The following MMP26 variants were observed in gnomAD, a reference collection of about 807,000 sequenced individuals.
MMP26 encodes the protein matrix metalloproteinase-26.
A neutral mutation model predicts 31.0 loss-of-function variants in MMP26; 33 were observed. The ratio of observed to expected loss-of-function variants is 1.06; its 90% CI spans 0.81 to 1.42. MMP26 has a LOEUF of 1.42. Among genes scored for constraint, MMP26 ranks in the 40% most tolerant of loss-of-function variants. The pLI is 0.00. For missense variants in MMP26, 347 were observed against 316.1 expected (o/e 1.10, Z -0.74); for synonymous variants, 122 against 114.9 (o/e 1.06, Z -0.40).
chr11:4,907,276 C>T, intron 2 of MMP26: 1 of 785,276 alleles, frequency 1.3e-6, no homozygotes, highest in South Asian at 1.7e-5. Context: ...GAATGAACCC[C>T]TTATCCTCAC....
chr11:4,791,079 C>A (rs1171819854), intron 2 of MMP26, among the ~76,000 whole-genome samples: 1 of 152,124 alleles, frequency 6.6e-6, no homozygotes, highest in Non-Finnish European at 1.5e-5. Flanking sequence ...ATAATCATTT[C>A]TTGAGCACCT....
intron 2 of MMP26, among the ~76,000 whole-genome samples, chr11:4,907,095 TA>T (rs3065178): frequency 5.6e-4 from 31 of 55,128 alleles, no homozygotes; most frequent in African/African-American, 1.2e-3. Context: ...AAACTCCCTC[TA>T]AAAAAAAAAA....
At chr11:4,783,342 G>T (rs536986255) in intron 2 of MMP26, among the ~76,000 whole-genome samples, 136 of 152,326 alleles carry the variant, frequency 8.9e-4, no homozygotes, top group African/African-American at 3.1e-3. Context: ...TGAATGCCCT[G>T]CTGGATTTCG....
intron 2 of MMP26, among the ~76,000 whole-genome samples, chr11:4,986,905 TTCTCTCTC>T (rs71050445): frequency 4.1e-5 from 2 of 48,674 alleles, no homozygotes; most frequent in South Asian, 1.8e-3. Context: ...CTTCCTTCCT[TTCTCTCTC>T]TCTCTCTCTC....
chr11:4,828,814 A>T (rs1849610899), intron 2 of MMP26, among the ~76,000 whole-genome samples: 1 of 152,204 alleles, frequency 6.6e-6, no homozygotes, highest in African/African-American at 2.4e-5. Flanking sequence ...TTTGGGCTAG[A>T]ATTAGAGTAG....
At chr11:4,820,284 G>A (rs751697601) in intron 2 of MMP26, among the ~76,000 whole-genome samples, 14 of 152,102 alleles carry the variant, frequency 9.2e-5, no homozygotes, top group Non-Finnish European at 1.8e-4. Context: ...ATGTATATTA[G>A]GGATAAGAAA....
chr11:4,826,797 A>G (rs1426375386), intron 2 of MMP26, among the ~76,000 whole-genome samples: 6 of 152,256 alleles, frequency 3.9e-5, no homozygotes, highest in African/African-American at 1.4e-4. Flanking sequence ...TATCAATAAT[A>G]ATCCAGATAC....
At chr11:4,927,894 G>T (rs1851294895) in intron 2 of MMP26, among the ~76,000 whole-genome samples, 1 of 151,944 alleles carries the variant, frequency 6.6e-6, no homozygotes, top group Non-Finnish European at 1.5e-5. Context: ...TGTTAAGAGG[G>T]GAATCTATCA....
intron 2 of MMP26, chr11:4,913,355 G>A (rs1249952628): frequency 6.6e-6 from 1 of 152,132 alleles, no homozygotes; most frequent in African/African-American, 2.4e-5. Flanking sequence ...CTTCATAGTA[G>A]AAGACATTGT....
At chr11:4,874,127 G>A (rs1169221772) in intron 2 of MMP26, among the ~76,000 whole-genome samples, 13 of 152,056 alleles carry the variant, frequency 8.5e-5, no homozygotes, top group African/African-American at 2.4e-4. Context: ...TTTCTGCAGC[G>A]ATGAAACTAT....
At chr11:4,764,559 A>G (rs1848604384) in intron 1 of MMP26, among the ~76,000 whole-genome samples, 1 of 152,182 alleles carries the variant, frequency 6.6e-6, no homozygotes, top group South Asian at 2.1e-4. Flanking sequence ...ATAATTTCTG[A>G]GCTACAAAAA....
In MMP26 at chr11:4,914,547, C is replaced by G. The variant is rs796827906; in HGVS notation, c.-144-73521C>G. ...TTACCACATCATATTACATTTTACC[C>G]CCCCCTGCCCTGGCCACAACAGAGT... On this transcript the variant is annotated intron_variant, in intron 2 of 7. Coordinates refer to ENST00000380390, the MANE Select transcript of MMP26 (RefSeq NM_021801.5). 74 of 549,168 alleles carry G rather than the reference C, an allele frequency of 1.3e-4. 1 individual carries two copies. The highest frequency in any genetic ancestry group is 8.3e-4 in the South Asian group (28 of 33,716). 34.0% of individuals were successfully genotyped at this position (549,168 alleles called of 1,614,324 possible). A position where few individuals can be genotyped will look rare whatever the true frequency, so the allele number is the denominator to read the frequency against.
chr11:4,921,608 C>T (rs1399067213), intron 2 of MMP26, among the ~76,000 whole-genome samples: 4 of 152,058 alleles, frequency 2.6e-5, no homozygotes, highest in African/African-American at 9.7e-5. Context: ...TTGTTCAGTG[C>T]ATGTATCTTA....
chr11:4,860,682 A>G (rs1436305114), intron 2 of MMP26: 2 of 329,774 alleles, frequency 6.1e-6, no homozygotes, highest in Non-Finnish European at 1.2e-5. Context: ...AGAATAGCAG[A>G]GGAAAGAATA....
chr11:4,769,569 G>C, intron 2 of MMP26: 1 of 1,612,888 alleles, frequency 6.2e-7, no homozygotes, highest in Non-Finnish European at 8.5e-7. Context: ...GTAGCCACCA[G>C]CACTCCAGAT....
At chr11:4,812,010 T>G (rs1361599874) in intron 2 of MMP26, among the ~76,000 whole-genome samples, 2 of 152,134 alleles carry the variant, frequency 1.3e-5, no homozygotes, top group Non-Finnish European at 2.9e-5. Context: ...CAGTTTCCAC[T>G]GGAATGTACC....
chr11:4,823,837 C>T (rs1387133245), intron 2 of MMP26, among the ~76,000 whole-genome samples: 7 of 151,976 alleles, frequency 4.6e-5, no homozygotes, highest in Admixed American at 1.3e-4. Context: ...CAAGTAAAGC[C>T]GAAAAATTAT....
At chr11:4,739,231 G>A (rs778246948) in intron 1 of MMP26, among the ~76,000 whole-genome samples, 3 of 152,140 alleles carry the variant, frequency 2.0e-5, no homozygotes, top group Admixed American at 6.5e-5. Context: ...AGGACAGTAG[G>A]CTTTCAAAGT....
At chr11:4,763,576 A>G (rs1848593879) in intron 1 of MMP26, among the ~76,000 whole-genome samples, 1 of 152,242 alleles carries the variant, frequency 6.6e-6, no homozygotes. Context: ...GCAGGATGAC[A>G]TGGCTAGAAA....
Sources: gnomAD v4.1 joint callset for allele counts (sites outside exome capture counted in the v4.1 genomes callset) on GRCh38, gnomAD v4.1.1 for gene constraint, MANE v1.5 for transcripts, NCBI Gene and HGNC (gene_info 2026-07-23, HGNC 2026-07-21) for gene names.